The following RP1 variants were observed in gnomAD, a reference collection of about 807,000 sequenced individuals.
The protein encoded by RP1 is oxygen-regulated protein 1.
In RP1, 16 loss-of-function variants were observed where a neutral mutation model predicts 14.8. That is an observed-to-expected ratio of 1.08 (90% CI 0.73 to 1.65). The LOEUF (loss-of-function observed/expected upper bound fraction) is 1.65, where lower values mean the gene tolerates loss of function less well. Among genes scored for constraint, RP1 ranks in the 40% most tolerant of loss-of-function variants. The probability of loss-of-function intolerance (pLI) is 0.00; values close to 1 mark genes in which losing one functional copy is unlikely to be tolerated. For missense variants in RP1, 2,631 were observed against 2,535.0 expected (o/e 1.04, Z -0.81); for synonymous variants, 876 against 883.6 (o/e 0.99, Z 0.15).
At chr8:54,833,784 A>G (rs1811592754) in intron 24 of RP1, among the ~76,000 whole-genome samples, 1 of 152,016 alleles carries the variant, frequency 6.6e-6, no homozygotes, top group African/African-American at 2.4e-5. Flanking sequence ...ATACACACAC[A>G]AGCATCAAAG....
intron 12 of RP1, chr8:54,680,049 A>T: frequency 7.7e-7 from 1 of 1,295,690 alleles, no homozygotes; most frequent in Non-Finnish European, 1.0e-6. Context: ...GCTTTACACA[A>T]GTGTTAGGCC....
intron 24 of RP1, among the ~76,000 whole-genome samples, chr8:54,796,927 A>G (rs1810589456): frequency 6.6e-6 from 1 of 152,180 alleles, no homozygotes; most frequent in Admixed American, 6.5e-5. Flanking sequence ...CAAAAGAGCC[A>G]TTTTACTAAT....
chr8:54,776,712 A>G (rs951324740), intron 23 of RP1, among the ~76,000 whole-genome samples: 1 of 152,186 alleles, frequency 6.6e-6, no homozygotes, highest in African/African-American at 2.4e-5. Flanking sequence ...GGATGAGGAC[A>G]AGGTGGAAAT....
intron 12 of RP1, among the ~76,000 whole-genome samples, chr8:54,683,522 C>A (rs1585603796): frequency 6.6e-6 from 1 of 152,196 alleles, no homozygotes; most frequent in East Asian, 1.9e-4. Context: ...CCTTCACTTT[C>A]CTTGTTAGCT....
At chr8:54,866,211 C>T (rs1330983128) in intron 28 of RP1, among the ~76,000 whole-genome samples, 4 of 152,156 alleles carry the variant, frequency 2.6e-5, no homozygotes, top group African/African-American at 9.6e-5. Flanking sequence ...ACATGCTAAG[C>T]TCCCTGCTAG....
At chr8:54,864,680 G>A (rs915965295) in intron 27 of RP1, among the ~76,000 whole-genome samples, 5 of 152,154 alleles carry the variant, frequency 3.3e-5, no homozygotes, top group Non-Finnish European at 7.4e-5. Flanking sequence ...AAGGGGAAAG[G>A]TTAATTCTGA....
In RP1 at chr8:54,621,511, C is replaced by CAT. The variant is rs750680709; in HGVS notation, c.546_547dup (p.Phe183TyrfsTer6). ...AGGAGGGTCACCCAGAGCTTCGAGGCATTTCTACAGCACCTGACAGAGGTC... is the reference window on the plus strand; with the variant it reads ...AGGAGGGTCACCCAGAGCTTCGAGGCATATTTCTACAGCACCTGACAGAGGTC... On this transcript the variant is annotated frameshift_variant, in exon 2 of 4. Transcript: ENST00000220676. LOFTEE classifies it high-confidence loss of function. 3.7e-6 allele frequency: 6 copies of CAT among 1,614,166 alleles called. No individual in the cohort carries two copies. The highest frequency in any genetic ancestry group is 4.2e-6 in the Non-Finnish European group (5 of 1,180,038).
At chr8:54,788,396 C>T (rs1810378857) in intron 24 of RP1, among the ~76,000 whole-genome samples, 1 of 152,152 alleles carries the variant, frequency 6.6e-6, no homozygotes, top group South Asian at 2.1e-4. Flanking sequence ...TTGATTTTGG[C>T]ATAACTCTGT....
chr8:54,663,385 T>C (rs1806942632), intron 6 of RP1, among the ~76,000 whole-genome samples: 1 of 152,218 alleles, frequency 6.6e-6, no homozygotes, highest in African/African-American at 2.4e-5. Context: ...AAAAAGTATG[T>C]CAAATTTGCT....
intron 24 of RP1, among the ~76,000 whole-genome samples, chr8:54,794,271 A>G (rs1036593531): frequency 1.3e-5 from 2 of 152,156 alleles, no homozygotes; most frequent in Admixed American, 1.3e-4. Flanking sequence ...TTGAAAAAAA[A>G]GAACAAAGCT....
chr8:54,679,281 A>G (rs1298568717), intron 9 of RP1: 1 of 708,220 alleles, frequency 1.4e-6, no homozygotes, highest in Admixed American at 2.4e-5. Context: ...TCCATTCTGT[A>G]CTGCTCTGCC....
chr8:54,806,635 TTAGA>T (rs1466366282), intron 24 of RP1, among the ~76,000 whole-genome samples: 2 of 152,200 alleles, frequency 1.3e-5, no homozygotes, highest in Admixed American at 1.3e-4. Flanking sequence ...AGCTCACAAC[TTAGA>T]TAATCAGGCG....
intron 1 of RP1, among the ~76,000 whole-genome samples, chr8:54,583,334 A>T (rs960341244): frequency 2.6e-5 from 4 of 152,228 alleles, no homozygotes; most frequent in African/African-American, 9.6e-5. Flanking sequence ...CCACCCTTGC[A>T]TCCCAGGGAT....
At chr8:54,661,669 A>G (rs1019979726) in intron 6 of RP1, among the ~76,000 whole-genome samples, 2 of 152,174 alleles carry the variant, frequency 1.3e-5, no homozygotes, top group African/African-American at 2.4e-5. Flanking sequence ...AGGGCAGTGC[A>G]GAACCGTGTT....
chr8:54,704,396 T>C (rs1808100582), intron 14 of RP1, among the ~76,000 whole-genome samples: 1 of 152,196 alleles, frequency 6.6e-6, no homozygotes, highest in Admixed American at 6.5e-5. Flanking sequence ...CATTTGTTGA[T>C]TAAGTTCACT....
At chr8:54,788,030 T>C (rs757145614) in intron 24 of RP1, among the ~76,000 whole-genome samples, 1 of 152,144 alleles carries the variant, frequency 6.6e-6, no homozygotes, top group Non-Finnish European at 1.5e-5. Flanking sequence ...TATAAAACAC[T>C]CTTATCATTA....
intron 8 of RP1, among the ~76,000 whole-genome samples, chr8:54,674,583 C>G (rs552672719): frequency 6.8e-6 from 1 of 147,948 alleles, no homozygotes; most frequent in African/African-American, 2.5e-5. Context: ...TAAAAAGTGT[C>G]AAAGTATAAT....
intron 24 of RP1, among the ~76,000 whole-genome samples, chr8:54,790,580 T>C (rs1431715697): frequency 2.1e-5 from 3 of 143,264 alleles, no homozygotes; most frequent in Non-Finnish European, 4.6e-5. Flanking sequence ...AAAAAAAAGG[T>C]AGACAACTAA....
chr8:54,869,869 G>A, exon 29 of RP1: 1 of 1,231,630 alleles, frequency 8.1e-7, no homozygotes, highest in Non-Finnish European at 1.0e-6. Flanking sequence ...CAAGATGATG[G>A]CAAGACCCAG....
Sources: allele counts gnomAD v4.1 joint callset (sites outside exome capture counted in the v4.1 genomes callset), GRCh38; gene constraint gnomAD v4.1.1; transcripts MANE v1.5; gene names NCBI Gene and HGNC (gene_info 2026-07-23, HGNC 2026-07-21).